TAB2: variants seen among roughly 807,000 people sequenced by gnomAD.
TAB2 encodes the protein TGF-beta-activated kinase 1 and MAP3K7-binding protein 2.
Under a neutral mutation model 65.0 loss-of-function variants are expected in TAB2, and 3 were observed. The observed-to-expected ratio is 0.05, with a 90% CI of 0.02 to 0.12. TAB2 has a LOEUF of 0.12. TAB2 is among the 10% of genes least tolerant of loss of function. The pLI, the probability that TAB2 is intolerant of heterozygous loss-of-function variation, is 1.00. For missense variants in TAB2, 623 were observed against 840.3 expected, an observed-to-expected ratio of 0.74 and a Z score of 3.20; for synonymous variants, 298 against 285.1, an observed-to-expected ratio of 1.05 and a Z score of -0.46.
intron 3 of TAB2, among the ~76,000 whole-genome samples, chr6:149,396,178 C>A (rs746473176): frequency 1.3e-5 from 2 of 152,068 alleles, no homozygotes; most frequent in Non-Finnish European, 2.9e-5. Flanking sequence ...CCACCACGCC[C>A]GGCAACTTTT....
intron 1 of TAB2, among the ~76,000 whole-genome samples, chr6:149,293,835 G>A (rs570554139): frequency 6.6e-6 from 1 of 152,070 alleles, no homozygotes; most frequent in African/African-American, 2.4e-5. Context: ...CAGCTATTCT[G>A]CTATAACATA....
intron 1 of TAB2, among the ~76,000 whole-genome samples, chr6:149,250,571 G>A (rs1777838842): frequency 6.6e-6 from 1 of 152,168 alleles, no homozygotes; most frequent in African/African-American, 2.4e-5. Context: ...CTCCCAAAGT[G>A]CTGAAACTGC....
intron 1 of TAB2, among the ~76,000 whole-genome samples, chr6:149,231,971 C>A (rs114283153): frequency 6.6e-6 from 1 of 152,092 alleles, no homozygotes. Context: ...CAAAGGACAG[C>A]GAGAGGATCT....
At chr6:149,305,196 T>G (rs1779043250) in intron 1 of TAB2, among the ~76,000 whole-genome samples, 1 of 152,086 alleles carries the variant, frequency 6.6e-6, no homozygotes, top group South Asian at 2.1e-4. Context: ...ACTCAGAAAA[T>G]GTTTTAAATT....
intron 1 of TAB2, among the ~76,000 whole-genome samples, chr6:149,228,176 T>A (rs987902733): frequency 4.6e-5 from 7 of 152,006 alleles, no homozygotes; most frequent in East Asian, 1.9e-4. Flanking sequence ...ATTTAAAATT[T>A]AAAAAAAATC....
intron 1 of TAB2, among the ~76,000 whole-genome samples, chr6:149,241,202 C>A (rs1777591159): frequency 6.6e-6 from 1 of 152,270 alleles, no homozygotes. Flanking sequence ...GAATAAATGA[C>A]TATTGTTTAA....
In TAB2 at chr6:149,357,367, G is replaced by T. The variant is rs542509404; in HGVS notation, c.-89-12542G>T. 2.1e-5 allele frequency among the ~76,000 whole-genome samples: 3 copies of T among 145,428 alleles called. No homozygotes were observed. In the South Asian group the frequency reaches 6.8e-4, roughly 33 times the overall value. ...GGAGGCGGAGGTTGCAGTGAGCCAA[G>T]ATTGTGCCACTACACTCCAGCCTGG... On this transcript the variant is annotated intron_variant, in intron 1 of 6. Transcript: ENST00000637181.
At chr6:149,240,863 T>C (rs1046939628) in intron 1 of TAB2, among the ~76,000 whole-genome samples, 2 of 152,156 alleles carry the variant, frequency 1.3e-5, no homozygotes, top group African/African-American at 4.8e-5. Context: ...GATTAAATGG[T>C]CATGCCCCTC....
chr6:149,400,313 CTGCTGCTCGTGT>C (rs1209546396), intron 6 of TAB2: 63 of 1,496,274 alleles, frequency 4.2e-5, no homozygotes, highest in Non-Finnish European at 4.9e-5. Flanking sequence ...GCTGCTCTTC[CTGCTGCTCGTGT>C]ACTCGTTAGG....
chr6:149,384,755 G>C (rs1433891500), intron 3 of TAB2, among the ~76,000 whole-genome samples: 1 of 152,106 alleles, frequency 6.6e-6, no homozygotes, highest in Non-Finnish European at 1.5e-5. Flanking sequence ...TGGTATACCT[G>C]TTGTAACACT....
At chr6:149,360,798 T>C (rs2114833205) in intron 1 of TAB2, among the ~76,000 whole-genome samples, 1 of 152,282 alleles carries the variant, frequency 6.6e-6, no homozygotes, top group South Asian at 2.1e-4. Context: ...AAACAAGTTA[T>C]TCACTTTCAA....
chr6:149,270,226 A>T (rs1181277376), intron 1 of TAB2, among the ~76,000 whole-genome samples: 1 of 152,208 alleles, frequency 6.6e-6, no homozygotes, highest in East Asian at 1.9e-4. Context: ...CTTATTTGCC[A>T]TCCATGTAGC....
At chr6:149,229,414 G>GTGTC (rs903746563) in intron 1 of TAB2, among the ~76,000 whole-genome samples, 13 of 151,886 alleles carry the variant, frequency 8.6e-5, no homozygotes, top group African/African-American at 3.2e-4. Context: ...GTGTGTGTGT[G>GTGTC]TGTGTTTGTG....
intron 6 of TAB2, chr6:149,401,261 T>G (rs1020043932): frequency 3.0e-5 from 5 of 166,882 alleles, no homozygotes; most frequent in African/African-American, 1.2e-4. Context: ...TTAAATAAAC[T>G]TTTTGTTTAA....
intron 1 of TAB2, among the ~76,000 whole-genome samples, chr6:149,335,224 A>G (rs375249854): frequency 3.3e-5 from 5 of 152,068 alleles, no homozygotes; most frequent in Admixed American, 2.0e-4. Flanking sequence ...ATTATTTAGA[A>G]TAATATCTAC....
chr6:149,288,854 ATTT>A (rs71007938), intron 1 of TAB2, among the ~76,000 whole-genome samples: 7 of 115,362 alleles, frequency 6.1e-5, no homozygotes, highest in Admixed American at 3.8e-4. Context: ...TTAATTTTTA[ATTT>A]TTTTTTTTTT....
chr6:149,343,346 C>G (rs1490706849), intron 1 of TAB2, among the ~76,000 whole-genome samples: 1 of 152,058 alleles, frequency 6.6e-6, no homozygotes, highest in Non-Finnish European at 1.5e-5. Flanking sequence ...TGGCGTGCAC[C>G]TGTAGTCCCA....
chr6:149,336,685 G>T (rs1006777898), intron 1 of TAB2, among the ~76,000 whole-genome samples: 1 of 152,248 alleles, frequency 6.6e-6, no homozygotes, highest in Admixed American at 6.5e-5. Flanking sequence ...TTTTGAAGAG[G>T]TAGTTAAGAT....
intron 1 of TAB2, among the ~76,000 whole-genome samples, chr6:149,339,660 G>A (rs1410006595): frequency 7.0e-6 from 1 of 142,172 alleles, no homozygotes; most frequent in East Asian, 2.0e-4. Flanking sequence ...GTGCAGTGGT[G>A]CGATTGCAGC....
Sources: gnomAD v4.1 joint callset for allele counts (sites outside exome capture counted in the v4.1 genomes callset) on GRCh38, gnomAD v4.1.1 for gene constraint, MANE v1.5 for transcripts, NCBI Gene and HGNC (gene_info 2026-07-23, HGNC 2026-07-21) for gene names.